SLC5A4: variants seen among roughly 807,000 people sequenced by gnomAD.
SLC5A4 encodes probable glucose sensor protein SLC5A4.
SLC5A4 carries 55 observed loss-of-function variants against 70.3 expected under a neutral mutation model. That is an observed-to-expected ratio of 0.78 (90% CI 0.63 to 0.98). The LOEUF (loss-of-function observed/expected upper bound fraction) is 0.98. Among genes scored for constraint, SLC5A4 ranks in the 50% least tolerant of loss-of-function variants. The probability of loss-of-function intolerance (pLI) is 0.00; values close to 1 mark genes in which losing one functional copy is unlikely to be tolerated. For synonymous variants in SLC5A4, 268 were observed against 305.7 expected, an observed-to-expected ratio of 0.88 and a Z score of 1.29; for missense variants, 735 against 839.2, an observed-to-expected ratio of 0.88 and a Z score of 1.53.
chr22:32,218,824 A>G lies in SLC5A4; in HGVS notation c.1769-99T>C, dbSNP rs1029689584. The G allele has an allele frequency of 4.9e-6, 4 of 824,548 alleles. No homozygotes were observed. In the African/African-American group the frequency reaches 5.2e-5, roughly 11 times the overall value. 51.1% of individuals were successfully genotyped at this position (824,548 alleles called of 1,614,324 possible). A position where few individuals can be genotyped will look rare whatever the true frequency, so the allele number is the denominator to read the frequency against. ...ACCTATGACTGTAAAAAATGATTAC[A>G]ATCAGCTGGGAGTGTTAAGAGGAAT... On this transcript the variant is annotated intron_variant, in intron 14 of 14. Coordinates refer to ENST00000266086, the MANE Select transcript of SLC5A4 (RefSeq NM_014227.3).
the SLC5A4 span, among the ~76,000 whole-genome samples, chr22:32,306,530 CATTATTGTTACACTCCAGTAT>C: frequency 2.0e-5 from 3 of 151,516 alleles, no homozygotes; most frequent in Non-Finnish European, 2.9e-5. Context: ...GTGAAAAACT[CATTATTGTTACACTCCAGTAT>C]TATTAGGAAT....
chr22:32,340,483 C>A, the SLC5A4 span, among the ~76,000 whole-genome samples: 1 of 152,180 alleles, frequency 6.6e-6, no homozygotes, highest in Non-Finnish European at 1.5e-5. Flanking sequence ...GAGACAGGCA[C>A]AAAGCCACAA....
At chr22:32,320,077 AAGAG>A in the SLC5A4 span, among the ~76,000 whole-genome samples, 4 of 152,238 alleles carry the variant, frequency 2.6e-5, no homozygotes, top group African/African-American at 4.8e-5. Context: ...GCCAAGAAGA[AAGAG>A]AGAAACTGTC....
intron 13 of SLC5A4, 74 bp downstream of exon 13, chr22:32,224,193 T>A: frequency 8.6e-7 from 1 of 1,160,636 alleles, no homozygotes; most frequent in Admixed American, 1.9e-5. Context: ...GTGCTGGGAT[T>A]ACAGGCGTGA....
chr22:32,312,252 G>T, the SLC5A4 span, among the ~76,000 whole-genome samples: 1 of 151,972 alleles, frequency 6.6e-6, no homozygotes, highest in African/African-American at 2.4e-5. Context: ...ACATTGACAC[G>T]GATGAGAACC....
the SLC5A4 span, among the ~76,000 whole-genome samples, chr22:32,290,447 T>C: frequency 5.3e-5 from 8 of 152,214 alleles, no homozygotes; most frequent in Non-Finnish European, 1.0e-4. Flanking sequence ...ATGGATTCAA[T>C]TGATTTTATT....
chr22:32,253,753 A>G (rs777292488), intron 2 of SLC5A4, among the ~76,000 whole-genome samples: 1 of 151,928 alleles, frequency 6.6e-6, no homozygotes, highest in Non-Finnish European at 1.5e-5. Flanking sequence ...TACATCAGAA[A>G]TGATCAACAT....
At chr22:32,300,871 A>G in the SLC5A4 span, among the ~76,000 whole-genome samples, 72,796 of 151,988 alleles carry the variant, frequency 0.48, 17,584 homozygotes, top group Admixed American at 0.51. Context: ...TGCCATAAAC[A>G]TTATTTACAG....
the SLC5A4 span, among the ~76,000 whole-genome samples, chr22:32,330,223 T>C: frequency 9.1e-6 from 1 of 110,346 alleles, no homozygotes; most frequent in African/African-American, 3.4e-5. Context: ...TTGCGGGCTC[T>C]GGTGTATATG....
At chr22:32,279,188 A>C in the SLC5A4 span, among the ~76,000 whole-genome samples, 1 of 152,240 alleles carries the variant, frequency 6.6e-6, no homozygotes, top group South Asian at 2.1e-4. Context: ...AGGCAGGAGA[A>C]TGGCGTGAAC....
At chr22:32,349,225 G>T in the SLC5A4 span, among the ~76,000 whole-genome samples, 1 of 151,270 alleles carries the variant, frequency 6.6e-6, no homozygotes, top group Admixed American at 6.6e-5. Context: ...CACCCACCTT[G>T]GCCTCCCAAG....
At chr22:32,335,903 G>A in the SLC5A4 span, among the ~76,000 whole-genome samples, 1 of 152,218 alleles carries the variant, frequency 6.6e-6, no homozygotes, top group Non-Finnish European at 1.5e-5. Flanking sequence ...CAGCCCACGG[G>A]CAAGCCTCGG....
the SLC5A4 span, among the ~76,000 whole-genome samples, chr22:32,317,388 G>C: frequency 6.6e-6 from 1 of 152,098 alleles, no homozygotes; most frequent in East Asian, 1.9e-4. Flanking sequence ...GCAATAAATA[G>C]ATGAAAACAG....
chr22:32,306,470 AAAAAAAAC>A, the SLC5A4 span, among the ~76,000 whole-genome samples: 2 of 149,960 alleles, frequency 1.3e-5, no homozygotes, highest in African/African-American at 4.9e-5. Flanking sequence ...GGTCTCAAAA[AAAAAAAAC>A]AAAAACTACT....
the SLC5A4 span, among the ~76,000 whole-genome samples, chr22:32,305,612 T>C: frequency 1.3e-5 from 2 of 148,148 alleles, 1 homozygote; most frequent in Admixed American, 1.4e-4. Context: ...TTCTCCACTG[T>C]GCAGCCTGTC....
the SLC5A4 span, chr22:32,272,641 T>A: frequency 1.7e-6 from 1 of 582,104 alleles, no homozygotes; most frequent in East Asian, 3.2e-5. Flanking sequence ...ATGGTGTACA[T>A]GTACCTGCCT....
At chr22:32,287,945 CAAG>C in the SLC5A4 span, among the ~76,000 whole-genome samples, 110 of 151,560 alleles carry the variant, frequency 7.3e-4, no homozygotes, top group African/African-American at 2.6e-3. Context: ...ATCTCCAGAC[CAAG>C]AAGAAGCAGG....
At chr22:32,341,917 A>G in the SLC5A4 span, among the ~76,000 whole-genome samples, 1 of 152,170 alleles carries the variant, frequency 6.6e-6, no homozygotes, top group Non-Finnish European at 1.5e-5. Context: ...CTCTCGTTAG[A>G]GAGATCTCCC....
the SLC5A4 span, among the ~76,000 whole-genome samples, chr22:32,290,345 T>G: frequency 6.6e-6 from 1 of 152,128 alleles, no homozygotes; most frequent in Non-Finnish European, 1.5e-5. Flanking sequence ...ACATGTGGTG[T>G]TTTCTCTTCC....
Sources: allele counts gnomAD v4.1 joint callset (sites outside exome capture counted in the v4.1 genomes callset), GRCh38; gene constraint gnomAD v4.1.1; transcripts MANE v1.5; gene names NCBI Gene and HGNC (gene_info 2026-07-23, HGNC 2026-07-21).